The following PEAR1 variants were observed in gnomAD, a reference collection of about 807,000 sequenced individuals.
PEAR1 encodes the protein multiple EGF-like domains protein 12.
In PEAR1, 113 loss-of-function variants were observed where a neutral mutation model predicts 131.2. That is an observed-to-expected ratio of 0.86 (90% CI 0.74 to 1.01). PEAR1 has a LOEUF of 1.01. PEAR1 is among the 50% of genes least tolerant of loss of function. The pLI is 0.00. For missense variants in PEAR1, 1,408 were observed against 1,391.1 expected (o/e 1.01, Z -0.19); for synonymous variants, 565 against 523.3 (o/e 1.08, Z -1.09).
intron 5 of PEAR1, 108 bp from the exon 6 acceptor site, chr1:156,906,529 C>T: frequency 1.3e-6 from 2 of 1,552,748 alleles, no homozygotes; most frequent in Non-Finnish European, 1.7e-6. Context: ...ATGTGGAAGA[C>T]AGGGTGGGCC....
At chr1:156,910,174 A>T in intron 13 of PEAR1, 60 bp from the exon 14 acceptor site, 5 of 1,613,264 alleles carry the variant, frequency 3.1e-6, no homozygotes, top group Non-Finnish European at 4.2e-6. Context: ...ATGTGTCCAG[A>T]AGAGCCCCCT....
rs1276809144 is a variant in PEAR1, at chr1:156,904,035, G to A, written c.101+8G>A. ...CTGCAGCTTCTGGGAAAGGTGAGAG[G>A]GCCCCTGCTGCACCTTGAGGGCACC... is the stretch of plus-strand genomic sequence containing the variant. On this transcript the variant is annotated splice_region_variant and intron_variant, in intron 2 of 22. Coordinates refer to ENST00000292357, the MANE Select transcript of PEAR1 (RefSeq NM_001080471.3). The A allele has an allele frequency of 8.1e-6, 13 of 1,609,096 alleles. No homozygotes were observed. Among genetic ancestry groups the A allele is most frequent in the Non-Finnish European group, 1.1e-5 (13 of 1,175,640 alleles).
rs1359077822 is a variant in PEAR1 at position 156,902,818 on chromosome 1, C to T, written c.-9-1100C>T. On this transcript the variant is annotated intron_variant, in intron 1 of 22. Coordinates refer to ENST00000292357, the MANE Select transcript of PEAR1 (RefSeq NM_001080471.3). This position sits in a 1 kb window ranked among gnomAD's most constrained non-coding sequence, Gnocchi z 4.3. ...GGGCACTGCGGTAACTCATCCTCTC[C>T]TGAGCTCAGGAGCTGAGGCAGCAGA... Among the ~76,000 whole-genome samples the T allele has an allele frequency of 1.3e-5, 2 of 152,130 alleles. No individual in the cohort carries two copies. The highest frequency in any genetic ancestry group is 4.8e-5 in the African/African-American group (2 of 41,426).
intron 15 of PEAR1, among the ~76,000 whole-genome samples, chr1:156,911,250 TTTC>T (rs1383325824): frequency 1.3e-5 from 2 of 149,602 alleles, no homozygotes; most frequent in Non-Finnish European, 3.0e-5. Context: ...TTCTTCTTTC[TTTC>T]TTCTTTTCTC....
rs1650495896 is a variant in PEAR1, at chr1:156,907,710, A to C, written c.745A>C (p.Ser249Arg). ...CTTCCAAACCCCACAGGGCTCCTGCAGCTGCCCCCCTGGCTGGATGGTATG... is the reference window on the plus strand; with the variant it reads ...CTTCCAAACCCCACAGGGCTCCTGCCGCTGCCCCCCTGGCTGGATGGTATG... Reference protein sequence around the residue: ...GVFQTPQGSCSCPPGWMGTIC... With the variant: ...GVFQTPQGSCRCPPGWMGTIC... Residue 249 changes from serine (S) to arginine (R), a missense_variant, in exon 7 of 23, where the codon AGC (serine) becomes CGC (arginine). Transcript: ENST00000292357. 9 of 1,611,828 alleles carry C rather than the reference A, an allele frequency of 5.6e-6. No individual in the cohort carries two copies. Among genetic ancestry groups the C allele is most frequent in the Non-Finnish European group, 6.8e-6 (8 of 1,178,778 alleles).
chr1:156,896,496 G>A (rs899785013), intron 1 of PEAR1, among the ~76,000 whole-genome samples: 4 of 152,238 alleles, frequency 2.6e-5, no homozygotes, highest in Admixed American at 2.6e-4. Flanking sequence ...GGGTGGCGGC[G>A]AGGGTTGGGA....
At position 156,905,347 on chromosome 1, in the gene PEAR1, G is replaced by C. The variant is rs367928332; in HGVS notation, c.230G>C (p.Arg77Pro). Residue 77 changes from arginine to proline, a missense_variant, in exon 4 of 23, where the codon CGT becomes CCT. Arg to Pro is a moderately radical substitution (Grantham distance 103). Coordinates refer to ENST00000292357, the MANE Select transcript of PEAR1 (RefSeq NM_001080471.3). ...QPTVVYRTVY[R>P]QVVKTDHRQR... Reference sequence around the variant, plus strand: ...AGGGTTGTATACCGGACCGTGTACCGTCAGGTGGTGAAGACGGACCACCGC... The same window carrying C: ...AGGGTTGTATACCGGACCGTGTACCCTCAGGTGGTGAAGACGGACCACCGC... The C allele has an allele frequency of 3.1e-6, 5 of 1,611,992 alleles. No individual in the cohort carries two copies. Among genetic ancestry groups the C allele is most frequent in the Non-Finnish European group, 4.2e-6 (5 of 1,179,524 alleles).
chr1:156,896,983 G>A (rs1649229270), intron 1 of PEAR1, among the ~76,000 whole-genome samples: 1 of 152,224 alleles, frequency 6.6e-6, no homozygotes, highest in Non-Finnish European at 1.5e-5. Context: ...CCGAGACAAG[G>A]GCCCAGCTCT....
At position 156,904,778 on chromosome 1, in the gene PEAR1, C is replaced by G; in HGVS notation, c.132C>G (p.Ser44=). Residue 44 remains serine (S), a synonymous_variant, in exon 3 of 23, where the codon TCC becomes TCG. Coordinates refer to ENST00000292357, the MANE Select transcript of PEAR1 (RefSeq NM_001080471.3). Reference sequence around the variant, plus strand: ...CTACCACCACCAAGGAGTCCCACTCCCGCCCCTTCAGCCTGCTCCCCTCAG... The same window carrying G: ...CTACCACCACCAAGGAGTCCCACTCGCGCCCCTTCAGCCTGCTCCCCTCAG... ...SFTTTTKESH[S]RPFSLLPSEP... The G allele has an allele frequency of 6.2e-7, 1 of 1,613,468 alleles. No homozygotes were observed. The highest frequency in any genetic ancestry group is 8.5e-7 in the Non-Finnish European group (1 of 1,179,746).
chr1:156,910,524 T>C (rs1650942132), intron 14 of PEAR1, 94 bp from the exon 15 acceptor site: 1 of 1,566,242 alleles, frequency 6.4e-7, no homozygotes, highest in Non-Finnish European at 8.7e-7. Flanking sequence ...TTCAGACTAG[T>C]TACTGCAGTG....
At chr1:156,911,090 TTTCCTTTCTTTCTTTCTTTTCTTTC>T (rs1651069573) in intron 15 of PEAR1, among the ~76,000 whole-genome samples, 3 of 116,954 alleles carry the variant, frequency 2.6e-5, no homozygotes, top group African/African-American at 7.9e-5. Context: ...TCTTTCTTTC[TTTCCTTTCTTTCTTTCTTTTCTTTC>T]TTCTTTCTTT....
chr1:156,898,428 C>T (rs1020063375), intron 1 of PEAR1, among the ~76,000 whole-genome samples: 15 of 152,172 alleles, frequency 9.9e-5, no homozygotes, highest in East Asian at 1.9e-4. Context: ...TTTCTCCATC[C>T]GGCAGACATG....
chr1:156,913,879 C>T lies in PEAR1; in HGVS notation c.2741C>T (p.Ala914Val), dbSNP rs1651572201. The T allele has an allele frequency of 6.2e-7, 1 of 1,613,576 alleles. No homozygotes were observed. Among genetic ancestry groups the T allele is most frequent in the African/African-American group, 1.3e-5 (1 of 74,920 alleles). Residue 914 changes from alanine to valine, a missense_variant, in exon 22 of 23, where the codon GCC becomes GTC. Ala to Val is a moderately conservative substitution (Grantham distance 64). Transcript: ENST00000292357. ...CTCATCTCTGAAGAGGAGCTCGGGG[C>T]CAGTGTGGCTTCCCTGAGCAGTGAG... ...KGLISEEELGASVASLSSENP... is the reference protein window; with the variant it reads ...KGLISEEELGVSVASLSSENP...
chr1:156,914,120 T>G lies in PEAR1; in HGVS notation c.2962+20T>G, dbSNP rs374723635. ...TCCATGGTGAGCCCTCCCTCTCCAC[T>G]GGCAGGAGCAGCAGAGAACTGGGAC... is the stretch of plus-strand genomic sequence containing the variant. On this transcript the variant is annotated intron_variant, in intron 22 of 22. Coordinates refer to ENST00000292357, the MANE Select transcript of PEAR1 (RefSeq NM_001080471.3). The G allele has an allele frequency of 1.3e-5, 21 of 1,562,076 alleles. No individual in the cohort carries two copies. In the African/African-American group the frequency reaches 2.6e-4, roughly 19 times the overall value.
Position 156,910,327 on chromosome 1 carries a change from A to G in PEAR1, c.1772A>G (p.Glu591Gly). The G allele has an allele frequency of 6.2e-7, 1 of 1,612,894 alleles. No individual in the cohort carries two copies. The highest frequency in any genetic ancestry group is 8.5e-7 in the Non-Finnish European group (1 of 1,179,456). Residue 591 changes from glutamate (E) to glycine (G), a missense_variant, in exon 14 of 23, where the codon GAG becomes GGG. Physicochemically the swap from Glu to Gly is moderately conservative, Grantham distance 98. Coordinates refer to ENST00000292357, the MANE Select transcript of PEAR1 (RefSeq NM_001080471.3). ...AAGAATGGGGGCACCTGTCTCCCTGAGAATGGCAACTGCGTGTGTGCACCC... is the reference window on the plus strand; with the variant it reads ...AAGAATGGGGGCACCTGTCTCCCTGGGAATGGCAACTGCGTGTGTGCACCC... ...TCKNGGTCLP[E>G]NGNCVCAPGF...
At chr1:156,912,697 C>A (rs1651365338) in intron 17 of PEAR1, 73 bp from the exon 18 acceptor site, 2 of 1,610,726 alleles carry the variant, frequency 1.2e-6, no homozygotes. Context: ...ACAGTCCCTA[C>A]TTCCCTCCTG....
chr1:156,906,044 A>C (rs1358988482), intron 4 of PEAR1, among the ~76,000 whole-genome samples: 1 of 152,148 alleles, frequency 6.6e-6, no homozygotes, highest in Non-Finnish European at 1.5e-5. Context: ...GCATTTTCCC[A>C]ACAAGGTGCT....
intron 1 of PEAR1, among the ~76,000 whole-genome samples, chr1:156,897,574 G>A (rs1649282081): frequency 6.6e-6 from 1 of 152,236 alleles, no homozygotes; most frequent in African/African-American, 2.4e-5. Context: ...TGCATGTCCA[G>A]CTGGGAGCCA....
intron 16 of PEAR1, 30 bp from the exon 17 acceptor site, chr1:156,912,464 G>A: frequency 6.2e-7 from 1 of 1,606,538 alleles, no homozygotes; most frequent in Non-Finnish European, 8.5e-7. Context: ...CGGCTCTGAT[G>A]CCGGCCTGCC....
Sources: gnomAD v4.1 joint callset for allele counts (sites outside exome capture counted in the v4.1 genomes callset) on GRCh38, gnomAD v4.1.1 for gene constraint, Gnocchi (gnomAD v3.1) non-coding constraint, MANE v1.5 for transcripts, NCBI Gene and HGNC (gene_info 2026-07-23, HGNC 2026-07-21) for gene names.